Variants in UNG observed in about 807,000 individuals in gnomAD.
The protein encoded by UNG is uracil DNA glycosylase, also known as uracil-DNA glycosylase.
In UNG, 34 loss-of-function variants were observed where a neutral mutation model predicts 36.5. The observed-to-expected ratio is 0.93, with a 90% CI of 0.71 to 1.24. UNG has a LOEUF of 1.24. Among genes scored for constraint, UNG ranks in the 50% most tolerant of loss-of-function variants. UNG has a pLI of 0.00. For synonymous variants in UNG, 172 were observed against 157.8 expected (o/e 1.09, Z -0.67); for missense variants, 391 against 397.6 (o/e 0.98, Z 0.14).
chr12:109,109,364 C>A (rs766910547), intron 6 of UNG, among the ~76,000 whole-genome samples: 2 of 151,732 alleles, frequency 1.3e-5, no homozygotes, highest in Non-Finnish European at 2.9e-5. Context: ...GCTCAACAAA[C>A]GGACTAATGT....
intron 6 of UNG, among the ~76,000 whole-genome samples, chr12:109,107,197 T>A (rs1018227739): frequency 6.6e-6 from 1 of 151,812 alleles, no homozygotes; most frequent in Non-Finnish European, 1.5e-5. Flanking sequence ...AGGTGATGTA[T>A]GACTATTGCT....
Position 109,098,655 on chromosome 12 carries a change from A to G in UNG, c.339+17A>G. ...TTTATCAAGGTAAATATGGAAATGC[A>G]CCTTCCATAAGGGTAAATGTGGAGG... On this transcript the variant is annotated intron_variant, in intron 2 of 6. Coordinates refer to ENST00000242576, the MANE Select transcript of UNG (RefSeq NM_080911.3). The G allele has an allele frequency of 6.2e-7, 1 of 1,612,328 alleles. No individual in the cohort carries two copies. The highest frequency in any genetic ancestry group is 2.2e-5 in the East Asian group (1 of 44,882).
intron 1 of UNG, chr12:109,098,178 G>T: frequency 1.4e-6 from 2 of 1,421,192 alleles, no homozygotes; most frequent in Non-Finnish European, 1.8e-6. Flanking sequence ...CTCTGTGCAG[G>T]GTTCCCAGTC....
At chr12:109,109,501 C>T (rs1266597370) in intron 6 of UNG, among the ~76,000 whole-genome samples, 5 of 147,220 alleles carry the variant, frequency 3.4e-5, no homozygotes, top group African/African-American at 7.5e-5. Context: ...AAAAAAGTCC[C>T]GGCCGGGCAT....
At chr12:109,099,051 T>G (rs1473765697) in intron 2 of UNG, 138 bp from the exon 3 acceptor site, 1 of 905,932 alleles carries the variant, frequency 1.1e-6, no homozygotes, top group Non-Finnish European at 1.7e-6. Context: ...TTTTGTTTGT[T>G]GTTTTTTAAA....
intron 3 of UNG, 35 bp downstream of exon 3, chr12:109,099,319 G>A (rs768409683): frequency 3.8e-6 from 6 of 1,560,836 alleles, no homozygotes; most frequent in Middle Eastern, 3.3e-4. Context: ...TTATTGGGGA[G>A]AAGGAGTCAA....
At chr12:109,106,281 G>A (rs1414309629) in intron 6 of UNG, among the ~76,000 whole-genome samples, 1 of 152,116 alleles carries the variant, frequency 6.6e-6, no homozygotes, top group African/African-American at 2.4e-5. Flanking sequence ...CTTCTCTGTG[G>A]TACAGCTACT....
intron 1 of UNG, 126 bp downstream of exon 1, chr12:109,097,937 C>T (rs2042143897): frequency 1.5e-6 from 2 of 1,323,874 alleles, no homozygotes. Flanking sequence ...TCCAAATAGC[C>T]TCCACGTGTT....
At chr12:109,101,533 C>T (rs1371156163) in intron 3 of UNG, among the ~76,000 whole-genome samples, 10 of 151,620 alleles carry the variant, frequency 6.6e-5, no homozygotes, top group Admixed American at 2.0e-4. Flanking sequence ...TAAGGGAGGC[C>T]GTGTGTCTAC....
intron 3 of UNG, among the ~76,000 whole-genome samples, chr12:109,100,636 AAAGG>A (rs769769705): frequency 2.0e-5 from 3 of 152,232 alleles, no homozygotes; most frequent in Non-Finnish European, 4.4e-5. Flanking sequence ...GGGAATATTA[AAAGG>A]AATATTTTGA....
chr12:109,103,590 G>T lies in UNG; in HGVS notation c.780G>T (p.Lys260Asn), dbSNP rs781498907. The change falls in exon 6 of 7, where the codon AAG (lysine) becomes AAT (asparagine). Residue 260 changes from lysine (K) to asparagine (N), a missense_variant. By Grantham distance (94) the Lys-to-Asn change is moderately conservative. Transcript: ENST00000242576. ...TGCTCTGGGGCTCTTATGCTCAGAA[G>T]AAGGGCAGTGCCATTGATAGGGTAT... ...VFLLWGSYAQ[K>N]KGSAIDRKRH... The T allele has an allele frequency of 3.7e-6, 6 of 1,613,676 alleles. No individual in the cohort carries two copies. Among genetic ancestry groups the T allele is most frequent in the Non-Finnish European group, 5.1e-6 (6 of 1,179,984 alleles).
chr12:109,108,937 C>A (rs1458541438), intron 6 of UNG, among the ~76,000 whole-genome samples: 4 of 152,092 alleles, frequency 2.6e-5, no homozygotes, highest in Non-Finnish European at 4.4e-5. Context: ...TGGCCCCGTT[C>A]TATTTTTCAC....
At chr12:109,103,787 A>G (rs1016975917) in intron 6 of UNG, among the ~76,000 whole-genome samples, 176 bp downstream of exon 6, 1 of 152,108 alleles carries the variant, frequency 6.6e-6, no homozygotes, top group African/African-American at 2.4e-5. Context: ...AAGAATTTGG[A>G]CAAATTATAG....
intron 3 of UNG, among the ~76,000 whole-genome samples, chr12:109,101,457 G>A (rs2042176482): frequency 6.6e-6 from 1 of 151,668 alleles, no homozygotes. Flanking sequence ...TGTAATCCCA[G>A]CATTTTGGGA....
chr12:109,098,776 G>C (rs3219212), intron 2 of UNG, 138 bp downstream of exon 2: 1 of 1,161,032 alleles, frequency 8.6e-7, no homozygotes. Flanking sequence ...TCACAAAGGG[G>C]GTAAAAGAAA....
In UNG at chr12:109,098,440, A is replaced by G. The variant is rs1455717438; in HGVS notation, c.141A>G (p.Pro47=). The G allele has an allele frequency of 1.2e-6, 2 of 1,608,328 alleles. No individual in the cohort carries two copies. The highest frequency in any genetic ancestry group is 1.7e-6 in the Non-Finnish European group (2 of 1,177,608). Reference sequence around the variant, plus strand: ...GCGGGGACCACTTGCAGGCCATCCCAGCCAAGAAGGCCCCGGCTGGGCAGG... The same window carrying G: ...GCGGGGACCACTTGCAGGCCATCCCGGCCAAGAAGGCCCCGGCTGGGCAGG... The part of the protein sequence containing the change: ...PEESGDAAAI[P]AKKAPAGQEE... The change falls in exon 2 of 7, where the codon CCA becomes CCG. Residue 47 remains proline, a synonymous_variant. Coordinates refer to ENST00000242576, the MANE Select transcript of UNG (RefSeq NM_080911.3).
chr12:109,099,618 T>TTA (rs1610925), intron 3 of UNG, among the ~76,000 whole-genome samples: 41,917 of 152,068 alleles, frequency 0.28, 6,354 homozygotes, highest in African/African-American at 0.41. Flanking sequence ...TTGCAGCTTG[T>TTA]TATAGTCAAC....
chr12:109,097,996 C>A, intron 1 of UNG, 185 bp downstream of exon 1: 1 of 1,258,130 alleles, frequency 7.9e-7, no homozygotes, highest in Non-Finnish European at 1.1e-6. Flanking sequence ...AAAGGGCCAG[C>A]CAATGGGAAC....
intron 3 of UNG, 98 bp from the exon 4 acceptor site, chr12:109,101,804 A>G: frequency 2.0e-6 from 2 of 1,012,412 alleles, no homozygotes; most frequent in Non-Finnish European, 1.5e-6. Context: ...TCTATGCCAT[A>G]GAAGTGTTTT....
Sources: allele counts gnomAD v4.1 joint callset (sites outside exome capture counted in the v4.1 genomes callset), GRCh38; gene constraint gnomAD v4.1.1; transcripts MANE v1.5; gene names NCBI Gene and HGNC (gene_info 2026-07-23, HGNC 2026-07-21).